The following GNA14 variants were observed in gnomAD, a reference collection of about 807,000 sequenced individuals.
GNA14 encodes the protein guanine nucleotide-binding protein subunit alpha-14.
Under a neutral mutation model 42.0 loss-of-function variants are expected in GNA14, and 50 were observed. The observed-to-expected ratio is 1.19, with a 90% CI of 0.95 to 1.51. The LOEUF (loss-of-function observed/expected upper bound fraction) is 1.51, where lower values mean the gene tolerates loss of function less well. Among genes scored for constraint, GNA14 ranks in the 40% most tolerant of loss-of-function variants. The pLI, the probability that GNA14 is intolerant of heterozygous loss-of-function variation, is 0.00. For synonymous variants in GNA14, 173 were observed against 163.1 expected (o/e 1.06, Z -0.46); for missense variants, 473 against 446.2 (o/e 1.06, Z -0.54).
intron 1 of GNA14, among the ~76,000 whole-genome samples, chr9:77,544,671 CAA>C (rs397959672): frequency 2.6e-4 from 15 of 58,554 alleles, no homozygotes; most frequent in Non-Finnish European, 2.7e-4. Flanking sequence ...CACTGCATCT[CAA>C]AAAAAAAAAA....
intron 5 of GNA14, among the ~76,000 whole-genome samples, chr9:77,425,924 C>T (rs1297162308): frequency 6.6e-6 from 1 of 152,174 alleles, no homozygotes; most frequent in Non-Finnish European, 1.5e-5. Flanking sequence ...CCATCCCCTT[C>T]TGGGTCCCCT....
intron 1 of GNA14, among the ~76,000 whole-genome samples, chr9:77,552,810 C>T (rs1267164005): frequency 6.6e-6 from 1 of 152,178 alleles, no homozygotes; most frequent in African/African-American, 2.4e-5. Context: ...ACAATTAGTG[C>T]TATTAAGCAT....
intron 2 of GNA14, among the ~76,000 whole-genome samples, chr9:77,496,064 C>T (rs1357316018): frequency 6.6e-6 from 1 of 152,116 alleles, no homozygotes; most frequent in African/African-American, 2.4e-5. Context: ...GGGAGATGCA[C>T]CGGGGGAGGT....
chr9:77,576,484 C>T (rs1823130200), intron 1 of GNA14, among the ~76,000 whole-genome samples: 1 of 152,094 alleles, frequency 6.6e-6, no homozygotes, highest in Non-Finnish European at 1.5e-5. Context: ...TCAAGAGTAA[C>T]ATCTTCATCT....
chr9:77,451,261 T>C (rs1163691467), intron 2 of GNA14, among the ~76,000 whole-genome samples: 1 of 151,594 alleles, frequency 6.6e-6, no homozygotes, highest in Admixed American at 6.6e-5. Context: ...GGAGGGGAGG[T>C]GGGGGTGGTC....
At chr9:77,537,461 C>A (rs1246379234) in intron 1 of GNA14, among the ~76,000 whole-genome samples, 1 of 152,196 alleles carries the variant, frequency 6.6e-6, no homozygotes, top group African/African-American at 2.4e-5. Context: ...ATATACCACA[C>A]TTTCTTTATC....
intron 1 of GNA14, among the ~76,000 whole-genome samples, chr9:77,572,150 G>T (rs183048484): frequency 1.1e-3 from 172 of 152,278 alleles, no homozygotes; most frequent in Non-Finnish European, 2.0e-3. Context: ...CAAATTACAA[G>T]TTTGTCTTTA....
chr9:77,598,233 C>A (rs1823498588), intron 1 of GNA14, among the ~76,000 whole-genome samples: 1 of 152,142 alleles, frequency 6.6e-6, no homozygotes, highest in Admixed American at 6.5e-5. Flanking sequence ...GTTTGGAGCT[C>A]ACACTAGTAT....
At chr9:77,616,495 T>A (rs796573117) in intron 1 of GNA14, among the ~76,000 whole-genome samples, 1 of 152,284 alleles carries the variant, frequency 6.6e-6, no homozygotes, top group African/African-American at 2.4e-5. Context: ...CTCTGATGGC[T>A]AAGTCAGCAG....
At chr9:77,452,564 GT>G (rs796605521) in intron 2 of GNA14, among the ~76,000 whole-genome samples, 3 of 132,188 alleles carry the variant, frequency 2.3e-5, no homozygotes, top group Admixed American at 7.6e-5. Flanking sequence ...GTGTGTGTGT[GT>G]GTGTGTATGT....
intron 1 of GNA14, among the ~76,000 whole-genome samples, chr9:77,546,918 T>C (rs1837726037): frequency 6.6e-6 from 1 of 152,174 alleles, no homozygotes; most frequent in Non-Finnish European, 1.5e-5. Flanking sequence ...ATAACCACTG[T>C]CCTGAGGTAA....
chr9:77,482,980 C>T (rs995608462), intron 2 of GNA14, among the ~76,000 whole-genome samples: 3 of 152,104 alleles, frequency 2.0e-5, no homozygotes, highest in Non-Finnish European at 4.4e-5. Context: ...AAGTTTTTAA[C>T]TTCTTTGCCA....
intron 2 of GNA14, among the ~76,000 whole-genome samples, chr9:77,481,913 T>C (rs536761751): frequency 2.0e-5 from 3 of 152,332 alleles, no homozygotes; most frequent in African/African-American, 7.2e-5. Context: ...TAGATCTTCC[T>C]CCATCCTTTT....
At chr9:77,629,868 T>TA (rs973305462) in intron 1 of GNA14, among the ~76,000 whole-genome samples, 2 of 152,118 alleles carry the variant, frequency 1.3e-5, no homozygotes, top group African/African-American at 2.4e-5. Context: ...TCCCAGAACT[T>TA]AAAGTATAAA....
chr9:77,621,487 A>G (rs1469074213), intron 1 of GNA14, among the ~76,000 whole-genome samples: 1 of 152,218 alleles, frequency 6.6e-6, no homozygotes, highest in East Asian at 1.9e-4. Context: ...GCTTCACCAG[A>G]CCATGCCTAA....
rs771496591 is a variant in GNA14 at position 77,647,724 on chromosome 9, G to A, written c.70C>T (p.Gln24Ter). Residue 24 changes from glutamine to a stop codon, truncating the protein, a stop_gained, in exon 1 of 7, where the codon CAG becomes TAG. Transcript: ENST00000341700. LOFTEE classifies it high-confidence loss of function. ...GCGTCCTTCTTGTCCCGACGAAGCT[G>A]TCGCTCGATCTCCGCGCTGATGCGC... ...SQRISAEIER[Q>*]LRRDKKDARR... 1.2e-6 allele frequency: 2 copies of A among 1,610,292 alleles called. No homozygotes were observed. The highest frequency in any genetic ancestry group is 1.7e-5 in the Admixed American group (1 of 59,616).
chr9:77,616,928 G>A (rs943379805), intron 1 of GNA14, among the ~76,000 whole-genome samples: 3 of 117,524 alleles, frequency 2.6e-5, no homozygotes, highest in African/African-American at 8.7e-5. Flanking sequence ...GGAGTGTGGT[G>A]GCACGATCTT....
chr9:77,505,049 G>C (rs1438545962), intron 2 of GNA14, among the ~76,000 whole-genome samples: 1 of 152,132 alleles, frequency 6.6e-6, no homozygotes. Context: ...TTGCCTGGGA[G>C]AATGTAGAAT....
chr9:77,589,529 G>A (rs1166713996), intron 1 of GNA14, among the ~76,000 whole-genome samples: 1 of 152,186 alleles, frequency 6.6e-6, no homozygotes, highest in Non-Finnish European at 1.5e-5. Flanking sequence ...CATCGTATGA[G>A]TCAGCCCTGT....
Sources: allele counts gnomAD v4.1 joint callset (sites outside exome capture counted in the v4.1 genomes callset), GRCh38; gene constraint gnomAD v4.1.1; transcripts MANE v1.5; gene names NCBI Gene and HGNC (gene_info 2026-07-23, HGNC 2026-07-21).